PRLR: variants seen among roughly 807,000 people sequenced by gnomAD.
PRLR encodes the protein prolactin receptor.
In PRLR, 13 loss-of-function variants were observed where a neutral mutation model predicts 40.2. The ratio of observed to expected loss-of-function variants is 0.32; its 90% CI spans 0.21 to 0.51. The LOEUF (loss-of-function observed/expected upper bound fraction) is 0.51. PRLR is among the 20% of genes least tolerant of loss of function. The probability of loss-of-function intolerance (pLI) is 0.97; values close to 1 mark genes in which losing one functional copy is unlikely to be tolerated. For missense variants in PRLR, 656 were observed against 747.3 expected, an observed-to-expected ratio of 0.88 and a Z score of 1.42; for synonymous variants, 269 against 278.7, an observed-to-expected ratio of 0.97 and a Z score of 0.35.
intron 9 of PRLR, among the ~76,000 whole-genome samples, chr5:35,067,956 G>C (rs1280155051): frequency 6.6e-6 from 1 of 152,206 alleles, no homozygotes; most frequent in African/African-American, 2.4e-5. Context: ...CTATGCTTAT[G>C]AGTAGATCTG....
rs76500088 is a variant in PRLR, at chr5:35,065,254, G to A, written c.1704C>T (p.Asn568=). The A allele has an allele frequency of 4.9e-4, 797 of 1,614,120 alleles. 4 individuals carry two copies. In the African/African-American group the frequency reaches 9.1e-3, roughly 18 times the overall value. ...LVLVPDPHAK[N]VACFEESAKE... ...TGGCTGATTCTTCAAAGCAAGCCAC[G>A]TTTTTAGCATGTGGATCTGGCACCA... The change falls in exon 10 of 10, where the codon AAC becomes AAT. Residue 568 remains asparagine, a synonymous_variant. Transcript: ENST00000618457.
Position 35,065,964 on chromosome 5 carries a change from C to T in PRLR, c.994G>A (p.Glu332Lys). ...DQHLMSVHSK[E>K]HPSQGMKPTY... ...GGTTTCATACCTTGACTTGGGTGTT[C>T]TTTTGAATGGACTGACATTAGATGC... The change falls in exon 10 of 10, where the codon GAA becomes AAA. Residue 332 changes from glutamate to lysine, a missense_variant. Glu to Lys is a moderately conservative substitution (Grantham distance 56). Around this residue, in one of 3 missense-constraint regions of PRLR, gnomAD observed 469 missense variants for 491.5 expected, o/e 0.95. Coordinates refer to ENST00000618457, the MANE Select transcript of PRLR (RefSeq NM_000949.7). 1.2e-6 allele frequency: 2 copies of T among 1,614,134 alleles called. No individual in the cohort carries two copies. Among genetic ancestry groups the T allele is most frequent in the Non-Finnish European group, 1.7e-6 (2 of 1,180,020 alleles).
At position 35,065,553 on chromosome 5, in the gene PRLR, C is replaced by T. The variant is rs368701880; in HGVS notation, c.1405G>A (p.Glu469Lys). Residue 469 changes from glutamate (E) to lysine (K), a missense_variant, in exon 10 of 10, where the codon GAA (glutamate) becomes AAA (lysine). Coordinates refer to ENST00000618457, the MANE Select transcript of PRLR (RefSeq NM_000949.7). ...CTCTGCTGGGTTGCCTTTCCCTCTT[C>T]TCTAGACTTAATGGTTTGAGAGGAT... ...LKSSQTIKSR[E>K]EGKATQQREV... is the part of the protein sequence containing the mutation. The T allele has an allele frequency of 5.3e-5, 86 of 1,614,006 alleles. No homozygotes were observed. Among genetic ancestry groups the T allele is most frequent in the Non-Finnish European group, 6.8e-5 (80 of 1,180,042 alleles).
chr5:35,209,777 C>T (rs1022297146), intron 1 of PRLR, among the ~76,000 whole-genome samples: 5 of 152,152 alleles, frequency 3.3e-5, no homozygotes, highest in Non-Finnish European at 7.4e-5. Context: ...GCTTGGGCCA[C>T]CTTCTAGCCT....
chr5:35,051,413 G>C (rs1051876895), downstream of PRLR, among the ~76,000 whole-genome samples: 6 of 152,288 alleles, frequency 3.9e-5, no homozygotes, highest in South Asian at 2.1e-4. Flanking sequence ...TTGAGCATAG[G>C]CCCTTCTCTC....
intron 5 of PRLR, among the ~76,000 whole-genome samples, chr5:35,079,756 C>A (rs1407096400): frequency 6.6e-6 from 1 of 152,190 alleles, no homozygotes; most frequent in African/African-American, 2.4e-5. Context: ...AAGAACAAAG[C>A]TGGAGGCGTC....
chr5:35,225,036 C>A (rs1245491118), intron 1 of PRLR, among the ~76,000 whole-genome samples: 1 of 152,172 alleles, frequency 6.6e-6, no homozygotes, highest in Non-Finnish European at 1.5e-5. Flanking sequence ...ACATTTATTA[C>A]TGCATGAGAT....
At chr5:35,170,356 G>GA (rs1337955325) in intron 1 of PRLR, among the ~76,000 whole-genome samples, 2 of 152,198 alleles carry the variant, frequency 1.3e-5, no homozygotes, top group Non-Finnish European at 2.9e-5. Context: ...GTCAAGAGCA[G>GA]AGGACACTTC....
chr5:35,134,783 T>G (rs183550227), intron 1 of PRLR, among the ~76,000 whole-genome samples: 3 of 152,366 alleles, frequency 2.0e-5, no homozygotes, highest in African/African-American at 4.8e-5. Flanking sequence ...TCTCCAGTGA[T>G]GCACATTGGA....
intron 1 of PRLR, among the ~76,000 whole-genome samples, chr5:35,183,146 G>A (rs909353657): frequency 3.3e-5 from 5 of 152,178 alleles, no homozygotes; most frequent in Non-Finnish European, 7.3e-5. Flanking sequence ...ACCCTGCCAA[G>A]TGTCCACTCA....
intron 1 of PRLR, among the ~76,000 whole-genome samples, chr5:35,164,030 T>C (rs866429795): frequency 6.6e-6 from 1 of 152,250 alleles, no homozygotes; most frequent in African/African-American, 2.4e-5. Flanking sequence ...GCCTGCTTAT[T>C]GAAGCTGAGG....
intron 1 of PRLR, among the ~76,000 whole-genome samples, chr5:35,212,283 T>A (rs1171984856): frequency 6.6e-6 from 1 of 152,258 alleles, no homozygotes; most frequent in African/African-American, 2.4e-5. Flanking sequence ...AGATACTTCC[T>A]GAATTTTAGA....
chr5:35,175,808 C>A (rs6877031), intron 1 of PRLR, among the ~76,000 whole-genome samples: 1 of 152,160 alleles, frequency 6.6e-6, no homozygotes, highest in African/African-American at 2.4e-5. Flanking sequence ...CTAGCAACAT[C>A]CTTCCACACT....
In PRLR at chr5:35,060,065, T is replaced by C. The variant is rs1768945708; in HGVS notation, c.*5024A>G. On this transcript the variant is annotated 3_prime_UTR_variant, in exon 10 of 10. Coordinates refer to ENST00000618457, the MANE Select transcript of PRLR (RefSeq NM_000949.7). ...CGTAGGCTGGGCATGGATTTATTAA[T>C]GGCTTTTGAATTAACTAAATAATTA... 6.6e-6 allele frequency: 1 copy of C among 152,232 alleles called. No homozygotes were observed. Among genetic ancestry groups the C allele is most frequent in the African/African-American group, 2.4e-5 (1 of 41,454 alleles). The allele number at this position is 152,232 out of a possible 1,614,324, so 9.4% of individuals were successfully genotyped here.
intron 1 of PRLR, among the ~76,000 whole-genome samples, chr5:35,135,779 G>A (rs990486527): frequency 2.0e-5 from 3 of 152,208 alleles, no homozygotes; most frequent in Non-Finnish European, 4.4e-5. Context: ...GAGGGAGCCT[G>A]CCTTGGGCAG....
At chr5:35,171,919 G>T (rs4703505) in intron 1 of PRLR, among the ~76,000 whole-genome samples, 2 of 151,920 alleles carry the variant, frequency 1.3e-5, no homozygotes, top group African/African-American at 4.8e-5. Flanking sequence ...ATGCAAAAAA[G>T]TCTCACTTAA....
chr5:35,149,317 T>C (rs1774275890), intron 1 of PRLR, among the ~76,000 whole-genome samples: 1 of 152,188 alleles, frequency 6.6e-6, no homozygotes, highest in African/African-American at 2.4e-5. Context: ...AATGTGGTAC[T>C]CCAGATCTGA....
intron 1 of PRLR, among the ~76,000 whole-genome samples, chr5:35,119,736 TC>T (rs1488073453): frequency 1.3e-5 from 2 of 152,174 alleles, no homozygotes; most frequent in Non-Finnish European, 2.9e-5. Flanking sequence ...CAAATCCTGC[TC>T]CGTTCTGTCA....
At chr5:35,196,146 T>C (rs1215136024) in intron 1 of PRLR, among the ~76,000 whole-genome samples, 1 of 151,390 alleles carries the variant, frequency 6.6e-6, no homozygotes, top group East Asian at 1.9e-4. Context: ...GCCAGGAGAA[T>C]GGTTCATTCT....
Sources: gnomAD v4.1 joint callset for allele counts (sites outside exome capture counted in the v4.1 genomes callset) on GRCh38, gnomAD v4.1.1 for gene constraint, gnomAD v4.1.1 regional missense constraint, MANE v1.5 for transcripts, NCBI Gene and HGNC (gene_info 2026-07-23, HGNC 2026-07-21) for gene names.